The following USP8 variants were observed in gnomAD, a reference collection of about 807,000 sequenced individuals.
USP8 encodes the protein ubiquitin carboxyl-terminal hydrolase 8.
A neutral mutation model predicts 130.0 loss-of-function variants in USP8; 27 were observed. The ratio of observed to expected loss-of-function variants is 0.21; its 90% CI spans 0.15 to 0.29. The LOEUF is 0.29. USP8 is among the 10% of genes least tolerant of loss of function. USP8 has a pLI of 1.00. For missense variants in USP8, 1,029 were observed against 1,312.2 expected (o/e 0.78, Z 3.33); for synonymous variants, 392 against 444.1 (o/e 0.88, Z 1.48).
At chr15:50,466,069 G>A (rs1156538149) in intron 7 of USP8, among the ~76,000 whole-genome samples, 4 of 152,134 alleles carry the variant, frequency 2.6e-5, no homozygotes, top group Admixed American at 2.6e-4. Flanking sequence ...ACTTGCATGG[G>A]TATATTGTAT....
At chr15:50,458,900 A>G in intron 4 of USP8, 100 bp from the exon 5 acceptor site, 1 of 1,419,496 alleles carries the variant, frequency 7.0e-7, no homozygotes, top group East Asian at 2.3e-5. Flanking sequence ...ATAGCCATGA[A>G]ATACCTCAAG....
In USP8 at chr15:50,481,732, G is replaced by A; in HGVS notation, c.1470G>A (p.Gln490=). 1.2e-6 allele frequency: 2 copies of A among 1,608,450 alleles called. No individual in the cohort carries two copies. Among genetic ancestry groups the A allele is most frequent in the Non-Finnish European group, 1.7e-6 (2 of 1,178,078 alleles). ...KELRERQQEE[Q]KEKLRKEEQE... ...TTCGGGAAAGGCAGCAAGAGGAACA[G>A]AAAGAGAAACTGAGGAAGGAAGAAC... The change falls in exon 11 of 20, where the codon CAG becomes CAA. Residue 490 remains glutamine, a synonymous_variant. Transcript: ENST00000307179.
intron 3 of USP8, among the ~76,000 whole-genome samples, chr15:50,442,771 A>T (rs868654210): frequency 6.6e-6 from 1 of 152,154 alleles, no homozygotes; most frequent in African/African-American, 2.4e-5. Flanking sequence ...AAAACAAACT[A>T]GCAAAAAAAG....
At position 50,498,582 on chromosome 15, in the gene USP8, G is replaced by C. The variant is rs2052503450; in HGVS notation, c.3039-14G>C. The C allele has an allele frequency of 1.2e-6, 2 of 1,601,414 alleles. No individual in the cohort carries two copies. Among genetic ancestry groups the C allele is most frequent in the South Asian group, 2.3e-5 (2 of 88,802 alleles). Reference sequence around the variant, plus strand: ...CTTCCTCTGTCAGTGTAATTGTAATGTTTTGTTCTGCAGTTTTTCCTACGA... The same window carrying C: ...CTTCCTCTGTCAGTGTAATTGTAATCTTTTGTTCTGCAGTTTTTCCTACGA... On this transcript the variant is annotated splice_polypyrimidine_tract_variant and intron_variant, in intron 18 of 19. Coordinates refer to ENST00000307179, the MANE Select transcript of USP8 (RefSeq NM_005154.5).
chr15:50,499,848 A>G lies in USP8; in HGVS notation c.*760A>G, dbSNP rs1362695716. The G allele has an allele frequency of 6.6e-6, 1 of 152,194 alleles. No homozygotes were observed. The highest frequency in any genetic ancestry group is 1.5e-5 in the Non-Finnish European group (1 of 68,026). 9.4% of individuals were successfully genotyped at this position (152,194 alleles called of 1,614,324 possible). ...ATAGGACAGTAAAACCATAGATTTT[A>G]TATACACACGTGCTATATAATAACA... On this transcript the variant is annotated 3_prime_UTR_variant, in exon 20 of 20. Coordinates refer to ENST00000307179, the MANE Select transcript of USP8 (RefSeq NM_005154.5).
chr15:50,446,756 T>C (rs892054114), intron 3 of USP8, among the ~76,000 whole-genome samples: 35 of 152,226 alleles, frequency 2.3e-4, no homozygotes, highest in African/African-American at 7.7e-4. Context: ...GATAGACATA[T>C]GATAACTCTT....
rs1205825546 is a variant in USP8 at position 50,512,806 on chromosome 15, C to A, written c.*13718C>A. On this transcript the variant is annotated 3_prime_UTR_variant, in exon 20 of 20. Coordinates refer to ENST00000307179, the MANE Select transcript of USP8 (RefSeq NM_005154.5). Reference sequence around the variant, plus strand: ...GACTCTGTCTCAAAAACAAACAAAACAAAAACAACAAAAAACACAACTGAA... The same window carrying A: ...GACTCTGTCTCAAAAACAAACAAAAAAAAAACAACAAAAAACACAACTGAA... 1.3e-5 allele frequency: 2 copies of A among 151,358 alleles called. No individual in the cohort carries two copies. Among genetic ancestry groups the A allele is most frequent in the Non-Finnish European group, 2.9e-5 (2 of 67,806 alleles). The allele number at this position is 151,358 out of a possible 1,614,324, so 9.4% of individuals were successfully genotyped here.
chr15:50,450,536 A>T (rs562019084), intron 4 of USP8, among the ~76,000 whole-genome samples: 2 of 130,408 alleles, frequency 1.5e-5, no homozygotes, highest in South Asian at 2.4e-4. Flanking sequence ...CAATGGCCTG[A>T]TCTCAGCTCA....
At chr15:50,427,849 A>G (rs1260899490) in intron 1 of USP8, among the ~76,000 whole-genome samples, 1 of 149,144 alleles carries the variant, frequency 6.7e-6, no homozygotes, top group Non-Finnish European at 1.5e-5. Context: ...GTGAGCCACC[A>G]TACCTGGCCC....
chr15:50,445,109 A>G (rs1190314683), intron 3 of USP8, among the ~76,000 whole-genome samples: 1 of 152,058 alleles, frequency 6.6e-6, no homozygotes, highest in Non-Finnish European at 1.5e-5. Context: ...CAGCCTCTCT[A>G]GTGTACTTCA....
chr15:50,475,449 A>G (rs2051533178), intron 8 of USP8, among the ~76,000 whole-genome samples: 1 of 152,160 alleles, frequency 6.6e-6, no homozygotes, highest in Non-Finnish European at 1.5e-5. Flanking sequence ...CTGTTGGTTA[A>G]GTGTATAAAT....
intron 2 of USP8, among the ~76,000 whole-genome samples, chr15:50,440,249 A>G (rs1280307159): frequency 6.6e-6 from 1 of 152,240 alleles, no homozygotes; most frequent in African/African-American, 2.4e-5. Context: ...TAGATAAGAC[A>G]AGGTCAGGCC....
Position 50,482,059 on chromosome 15 carries a change from A to G in USP8, c.1797A>G (p.Ser599=), listed in dbSNP as rs755657105. 9 of 1,498,324 alleles carry G rather than the reference A, an allele frequency of 6.0e-6. No individual in the cohort carries two copies. Among genetic ancestry groups the G allele is most frequent in the Non-Finnish European group, 8.0e-6 (9 of 1,129,320 alleles). 92.8% of individuals were successfully genotyped at this position (1,498,324 alleles called of 1,614,324 possible). A position where few individuals can be genotyped will look rare whatever the true frequency, so the allele number is the denominator to read the frequency against. ...PHTSVTGDSG[S]GKPFKIKGQP... is the part of the protein sequence containing the mutation. Reference sequence around the variant, plus strand: ...CATCTGTGACAGGGGATTCAGGTTCAGGCAAGGTAAGCAGAAACAGTACAA... The same window carrying G: ...CATCTGTGACAGGGGATTCAGGTTCGGGCAAGGTAAGCAGAAACAGTACAA... Residue 599 remains serine, a synonymous_variant, in exon 11 of 20, where the codon TCA becomes TCG. Coordinates refer to ENST00000307179, the MANE Select transcript of USP8 (RefSeq NM_005154.5).
chr15:50,450,328 C>G (rs964473127), intron 4 of USP8, among the ~76,000 whole-genome samples: 16 of 151,856 alleles, frequency 1.1e-4, no homozygotes, highest in Admixed American at 7.9e-4. Flanking sequence ...TACTTTTGAT[C>G]TGCTTAGTTA....
In USP8 at chr15:50,449,530, TA is replaced by T; in HGVS notation, c.335+50del. Reference sequence around the variant, plus strand: ...TTTAAAATAATGTAAATTTAGAAGATAAAAATAATATTTAAGATTTACCGAT... The same window carrying T: ...TTTAAAATAATGTAAATTTAGAAGATAAAATAATATTTAAGATTTACCGAT... On this transcript the variant is annotated intron_variant, in intron 4 of 19. Transcript: ENST00000307179. The T allele has an allele frequency of 2.3e-6, 3 of 1,291,030 alleles. 1 individual carries two copies. The East Asian group carries it at 8.1e-5, about 35-fold the overall frequency. 80.0% of individuals were successfully genotyped at this position (1,291,030 alleles called of 1,614,324 possible). A position where few individuals can be genotyped will look rare whatever the true frequency, so the allele number is the denominator to read the frequency against.
intron 6 of USP8, among the ~76,000 whole-genome samples, chr15:50,464,728 C>A (rs565309969): frequency 2.8e-4 from 42 of 152,250 alleles, no homozygotes; most frequent in African/African-American, 1.0e-3. Context: ...GTGGTAACAG[C>A]CTGTGTTCCC....
chr15:50,464,395 A>G (rs1001563802), intron 6 of USP8, among the ~76,000 whole-genome samples: 1 of 152,198 alleles, frequency 6.6e-6, no homozygotes, highest in Admixed American at 6.5e-5. Context: ...CATTTTTCTA[A>G]TGTCTTAATT....
intron 1 of USP8, among the ~76,000 whole-genome samples, chr15:50,436,233 T>A (rs1567598874): frequency 6.6e-6 from 1 of 152,268 alleles, no homozygotes; most frequent in Admixed American, 6.5e-5. Context: ...GTTCATTCTA[T>A]GTAGTGGCTA....
intron 3 of USP8, among the ~76,000 whole-genome samples, chr15:50,444,954 T>TA (rs1384623518): frequency 1.3e-5 from 2 of 151,990 alleles, no homozygotes; most frequent in Non-Finnish European, 2.9e-5. Flanking sequence ...AACGAGGTCT[T>TA]ACCCTGTTGC....
Sources: gnomAD v4.1 joint callset for allele counts (sites outside exome capture counted in the v4.1 genomes callset) on GRCh38, gnomAD v4.1.1 for gene constraint, MANE v1.5 for transcripts, NCBI Gene and HGNC (gene_info 2026-07-23, HGNC 2026-07-21) for gene names.